ASAP2: variants seen among roughly 807,000 people sequenced by gnomAD.
ASAP2 encodes ArfGAP with SH3 domain, ankyrin repeat and PH domain 2.
In ASAP2, 45 loss-of-function variants were observed where a neutral mutation model predicts 131.4. The ratio of observed to expected loss-of-function variants is 0.34; its 90% confidence interval spans 0.27 to 0.44. The LOEUF (loss-of-function observed/expected upper bound fraction) is 0.44, where lower values mean the gene tolerates loss of function less well. Ranked by LOEUF, ASAP2 falls within the 20% of genes least tolerant of loss-of-function variation. The pLI, the probability that ASAP2 is intolerant of heterozygous loss-of-function variation, is 1.00. For missense variants in ASAP2, 1,011 were observed against 1,297.0 expected, an observed-to-expected ratio of 0.78 and a Z score of 3.39; for synonymous variants, 510 against 503.0, an observed-to-expected ratio of 1.01 and a Z score of -0.19.
Position 9,335,276 on chromosome 2 carries a change from A to G in ASAP2, c.849+97A>G. ...AAGTTCATGTCTTCTAGGAGCTCACAGTTCACTCGGGCTGTGTCAGGCACC... is the reference window on the plus strand; with the variant it reads ...AAGTTCATGTCTTCTAGGAGCTCACGGTTCACTCGGGCTGTGTCAGGCACC... On this transcript the variant is annotated intron_variant, in intron 9 of 27. Transcript: ENST00000281419. 15 of 1,056,768 alleles carry G rather than the reference A, an allele frequency of 1.4e-5. 1 individual carries two copies. Among genetic ancestry groups the G allele is most frequent in the Admixed American group, 1.1e-4 (6 of 54,864 alleles). The allele number at this position is 1,056,768 out of a possible 1,614,324, so 65.5% of individuals were successfully genotyped here. A position where few individuals can be genotyped will look rare whatever the true frequency, so the allele number is the denominator to read the frequency against.
chr2:9,227,946 T>C (rs1388889759), intron 1 of ASAP2, among the ~76,000 whole-genome samples: 2 of 152,264 alleles, frequency 1.3e-5, no homozygotes, highest in African/African-American at 4.8e-5. Flanking sequence ...TTAATAGTAC[T>C]GGTTACTGTT....
chr2:9,246,546 C>T (rs1337639930), intron 1 of ASAP2, among the ~76,000 whole-genome samples: 1 of 152,154 alleles, frequency 6.6e-6, no homozygotes. Flanking sequence ...CCTTGGCCTC[C>T]CATGCCAGGA....
intron 4 of ASAP2, 120 bp from the exon 5 acceptor site, chr2:9,320,168 A>T: frequency 1.3e-6 from 1 of 794,718 alleles, no homozygotes; most frequent in Non-Finnish European, 2.1e-6. Context: ...TCGTGGGATT[A>T]CATACGTCAT....
intron 15 of ASAP2, among the ~76,000 whole-genome samples, chr2:9,360,186 T>C (rs1330571745): frequency 1.3e-5 from 2 of 152,196 alleles, no homozygotes; most frequent in Non-Finnish European, 2.9e-5. Context: ...CAATGGAAAG[T>C]GTTAAGTGAT....
intron 3 of ASAP2, among the ~76,000 whole-genome samples, chr2:9,301,643 T>C (rs1572391559): frequency 6.6e-6 from 1 of 152,254 alleles, no homozygotes; most frequent in African/African-American, 2.4e-5. Context: ...CCTCACGGTC[T>C]GCAGAACCCG....
intron 1 of ASAP2, among the ~76,000 whole-genome samples, chr2:9,238,249 C>CAGA (rs1663692915): frequency 6.6e-6 from 1 of 152,256 alleles, no homozygotes; most frequent in South Asian, 2.1e-4. Flanking sequence ...CTCAGCTCCT[C>CAGA]TAGTCTTTGG....
chr2:9,327,719 T>C (rs1670570588), intron 6 of ASAP2, 107 bp from the exon 7 acceptor site: 2 of 763,962 alleles, frequency 2.6e-6, no homozygotes, highest in Admixed American at 3.2e-5. Context: ...CTCTACGCAT[T>C]GTAAAAGATG....
chr2:9,223,501 T>C (rs1045107958), intron 1 of ASAP2, among the ~76,000 whole-genome samples: 1 of 152,320 alleles, frequency 6.6e-6, no homozygotes, highest in African/African-American at 2.4e-5. Flanking sequence ...GATTTTGGTG[T>C]AAATTAGGGA....
chr2:9,402,498 T>C (rs1676819378), intron 27 of ASAP2, among the ~76,000 whole-genome samples: 2 of 152,182 alleles, frequency 1.3e-5, no homozygotes, highest in Admixed American at 1.3e-4. Context: ...GGCAGGCACC[T>C]GTAATCCCAG....
rs187966194 is a variant in ASAP2 at position 9,278,499 on chromosome 2, C to T, written c.127-818C>T. Among the ~76,000 whole-genome samples, 186 of 141,952 alleles carry T rather than the reference C, an allele frequency of 1.3e-3. 2 individuals are homozygous for T. The highest frequency in any genetic ancestry group is 4.5e-3 in the African/African-American group (168 of 37,366). 93.1% of individuals were successfully genotyped at this position (141,952 alleles called of 152,430 possible). A position where few individuals can be genotyped will look rare whatever the true frequency, so the allele number is the denominator to read the frequency against. ...CTGCACTCTAGCCTGGGTGACAGAG[C>T]GAGACCCCTTCTCAAAAAAAAAAAA... On this transcript the variant is annotated intron_variant, in intron 1 of 27. Transcript: ENST00000281419.
chr2:9,302,665 G>A (rs1401696695), intron 3 of ASAP2, among the ~76,000 whole-genome samples: 2 of 152,070 alleles, frequency 1.3e-5, no homozygotes, highest in East Asian at 3.9e-4. Context: ...AGTACAGACG[G>A]GGTTTCTCCA....
chr2:9,250,830 C>A (rs1213314409), intron 1 of ASAP2, among the ~76,000 whole-genome samples: 1 of 152,320 alleles, frequency 6.6e-6, no homozygotes, highest in East Asian at 1.9e-4. Context: ...CACAGGCCAC[C>A]ATGGGCCATC....
intron 16 of ASAP2, among the ~76,000 whole-genome samples, chr2:9,369,987 T>C (rs1310140954): frequency 2.0e-5 from 3 of 152,168 alleles, no homozygotes; most frequent in Non-Finnish European, 4.4e-5. Context: ...GACAGGCACA[T>C]GCCACCACAC....
At chr2:9,320,555 T>C (rs1670088662) in intron 5 of ASAP2, among the ~76,000 whole-genome samples, 1 of 152,228 alleles carries the variant, frequency 6.6e-6, no homozygotes, top group African/African-American at 2.4e-5. Context: ...TAAGATGTCA[T>C]AGTGGTTATA....
intron 20 of ASAP2, among the ~76,000 whole-genome samples, chr2:9,384,638 T>C (rs545466031): frequency 6.6e-6 from 1 of 152,342 alleles, no homozygotes; most frequent in South Asian, 2.1e-4. Context: ...ACTGGTTTAT[T>C]ATAAAGGATA....
chr2:9,297,492 A>G lies in ASAP2; in HGVS notation c.345+47A>G, dbSNP rs746353773. 228 of 1,607,840 alleles carry G rather than the reference A, an allele frequency of 1.4e-4. 3 individuals are homozygous for G. Among genetic ancestry groups the G allele is most frequent in the Non-Finnish European group, 1.9e-4 (218 of 1,174,682 alleles). ...ATGCTGCGGTTACTTCAGTTGGGAA[A>G]GTGGCTCAGTAGAGGATAGTTATGG... On this transcript the variant is annotated intron_variant, in intron 3 of 27. Coordinates refer to ENST00000281419, the MANE Select transcript of ASAP2 (RefSeq NM_003887.3).
intron 3 of ASAP2, among the ~76,000 whole-genome samples, chr2:9,305,627 C>G (rs1200513529): frequency 7.3e-5 from 5 of 68,828 alleles, no homozygotes; most frequent in Admixed American, 1.9e-4. Flanking sequence ...TATTGGTGGA[C>G]AGGCTGGAGT....
intron 9 of ASAP2, among the ~76,000 whole-genome samples, chr2:9,336,513 G>C (rs1052831834): frequency 6.6e-6 from 1 of 152,254 alleles, no homozygotes; most frequent in East Asian, 1.9e-4. Context: ...GCTGGACCTC[G>C]AGCAGCCTGA....
chr2:9,287,248 G>A (rs544516897), intron 2 of ASAP2, among the ~76,000 whole-genome samples: 3 of 152,384 alleles, frequency 2.0e-5, no homozygotes, highest in Admixed American at 6.5e-5. Flanking sequence ...CTGAGCCATC[G>A]TAGTCCTTCT....
Sources: allele counts gnomAD v4.1 joint callset (sites outside exome capture counted in the v4.1 genomes callset), GRCh38; gene constraint gnomAD v4.1.1; transcripts MANE v1.5; gene names NCBI Gene and HGNC (gene_info 2026-07-23, HGNC 2026-07-21).